Variants in MAGI2 observed in about 807,000 individuals in gnomAD.
The protein encoded by MAGI2 is membrane associated guanylate kinase, WW and PDZ domain containing 2, also known as membrane-associated guanylate kinase, WW and PDZ domain-containing protein 2.
Under a neutral mutation model 133.3 loss-of-function variants are expected in MAGI2, and 35 were observed. That is an observed-to-expected ratio of 0.26 (90% CI 0.20 to 0.35). MAGI2 has a LOEUF of 0.35. MAGI2 is among the 10% of genes least tolerant of loss of function. MAGI2 has a pLI of 1.00. For missense variants in MAGI2, 1,636 were observed against 1,863.4 expected (o/e 0.88, Z 2.25); for synonymous variants, 729 against 710.6 (o/e 1.03, Z -0.41).
intron 21 of MAGI2, among the ~76,000 whole-genome samples, chr7:78,032,918 G>A (rs1008932319): frequency 6.6e-5 from 10 of 152,062 alleles, no homozygotes; most frequent in African/African-American, 2.2e-4. Flanking sequence ...GTAGAAGGAA[G>A]TGTGAGATCA....
chr7:78,151,439 G>A (rs1240637257), intron 16 of MAGI2, among the ~76,000 whole-genome samples: 1 of 152,194 alleles, frequency 6.6e-6, no homozygotes, highest in Non-Finnish European at 1.5e-5. Flanking sequence ...ACGGTTCCAA[G>A]GGTTGGTTCC....
chr7:79,310,291 G>A (rs535510647), intron 1 of MAGI2, among the ~76,000 whole-genome samples: 1 of 143,570 alleles, frequency 7.0e-6, no homozygotes, highest in Admixed American at 7.1e-5. Context: ...GTATTCTAAA[G>A]ATACAGCAAT....
At chr7:78,897,510 A>C (rs1395192485) in intron 2 of MAGI2, among the ~76,000 whole-genome samples, 1 of 152,232 alleles carries the variant, frequency 6.6e-6, no homozygotes, top group East Asian at 1.9e-4. Context: ...CATTATTAAA[A>C]ATTAAATCAT....
At position 78,754,174 on chromosome 7, in the gene MAGI2, C is replaced by T. The variant is rs147150179; in HGVS notation, c.419-126935G>A. Among the ~76,000 whole-genome samples, 19 of 151,842 alleles carry T rather than the reference C, an allele frequency of 1.3e-4. No individual in the cohort carries two copies. The East Asian group carries it at 2.3e-3, about 19-fold the overall frequency. On this transcript the variant is annotated intron_variant, in intron 2 of 21. Coordinates refer to ENST00000354212, the MANE Select transcript of MAGI2 (RefSeq NM_012301.4). ...GGTGGATCGCTTGAGCCCAGGAGTT[C>T]GGGACCAGCCTGGGCAACATAGCAA...
At chr7:78,308,003 A>C (rs1400120782) in intron 9 of MAGI2, among the ~76,000 whole-genome samples, 5 of 152,176 alleles carry the variant, frequency 3.3e-5, no homozygotes, top group Non-Finnish European at 7.4e-5. Context: ...AAGAGAATTA[A>C]AGACTTAAAT....
At chr7:78,121,364 A>T (rs1289079155) in intron 20 of MAGI2, among the ~76,000 whole-genome samples, 1 of 152,188 alleles carries the variant, frequency 6.6e-6, no homozygotes, top group African/African-American at 2.4e-5. Flanking sequence ...ATTGATGAAA[A>T]AGATCACCAA....
intron 2 of MAGI2, among the ~76,000 whole-genome samples, chr7:78,689,074 A>C (rs1332203187): frequency 6.6e-6 from 1 of 152,220 alleles, no homozygotes; most frequent in Non-Finnish European, 1.5e-5. Flanking sequence ...GAATTAAGCC[A>C]ATATTCTTTC....
chr7:78,204,259 T>G (rs1018476030), intron 10 of MAGI2, among the ~76,000 whole-genome samples: 1 of 152,210 alleles, frequency 6.6e-6, no homozygotes, highest in African/African-American at 2.4e-5. Context: ...GCTGCTTGCC[T>G]CACAGATCAT....
chr7:78,538,835 TC>T (rs1021853483), intron 3 of MAGI2, among the ~76,000 whole-genome samples: 24 of 152,272 alleles, frequency 1.6e-4, no homozygotes, highest in African/African-American at 5.3e-4. Flanking sequence ...GTCCTTTATT[TC>T]TTTCTCTTGT....
intron 1 of MAGI2, among the ~76,000 whole-genome samples, chr7:79,373,991 A>C (rs1240696513): frequency 5.3e-5 from 8 of 152,060 alleles, no homozygotes; most frequent in Admixed American, 5.3e-4. Context: ...TAAAAGAATA[A>C]ATTTAAGCTG....
chr7:79,223,256 A>T (rs1025622684), intron 1 of MAGI2, among the ~76,000 whole-genome samples: 2 of 152,068 alleles, frequency 1.3e-5, no homozygotes, highest in Admixed American at 1.3e-4. Flanking sequence ...TGTTGTTTTT[A>T]AATGGATTTT....
chr7:78,183,765 G>T (rs1020242793), intron 13 of MAGI2, among the ~76,000 whole-genome samples: 1 of 152,068 alleles, frequency 6.6e-6, no homozygotes, highest in African/African-American at 2.4e-5. Context: ...TGGAGGTCTT[G>T]CCATCTTGTC....
At position 78,795,332 on chromosome 7, in the gene MAGI2, A is replaced by AG. The variant is rs201381074; in HGVS notation, c.419-168094_419-168093insC. 7.8e-3 allele frequency among the ~76,000 whole-genome samples: 1,182 copies of AG among 152,072 alleles called. 11 individuals carry two copies. Among genetic ancestry groups the AG allele is most frequent in the African/African-American group, 0.026 (1,069 of 41,522 alleles). On this transcript the variant is annotated intron_variant, in intron 2 of 21. Coordinates refer to ENST00000354212, the MANE Select transcript of MAGI2 (RefSeq NM_012301.4). ...ATTTTTTATTTAGAAAAAATTAAAA[A>AG]CATCACCCAAAGATAAGTTTAGTAA...
intron 11 of MAGI2, 123 bp from the exon 12 acceptor site, chr7:78,195,186 G>T: frequency 1.5e-6 from 1 of 681,778 alleles, no homozygotes; most frequent in Non-Finnish European, 2.3e-6. Flanking sequence ...GTAAAACTTT[G>T]GCATAAATTC....
intron 6 of MAGI2, among the ~76,000 whole-genome samples, chr7:78,385,498 T>C (rs574502165): frequency 6.6e-6 from 1 of 152,212 alleles, no homozygotes; most frequent in Non-Finnish European, 1.5e-5. Context: ...CAATGAAATT[T>C]CTGACTCCCT....
intron 9 of MAGI2, among the ~76,000 whole-genome samples, chr7:78,289,888 G>A (rs1796524869): frequency 6.6e-6 from 1 of 152,108 alleles, no homozygotes; most frequent in African/African-American, 2.4e-5. Context: ...ATCCTTTACA[G>A]ACAAGCAAAT....
chr7:78,183,166 C>T (rs12705320), intron 13 of MAGI2, among the ~76,000 whole-genome samples: 43,044 of 151,752 alleles, frequency 0.28, 6,271 homozygotes, highest in South Asian at 0.37. Context: ...TTATGATAAA[C>T]GTATCTGAGT....
intron 1 of MAGI2, among the ~76,000 whole-genome samples, chr7:79,148,888 TTA>T (rs1006208394): frequency 1.4e-5 from 2 of 147,124 alleles, no homozygotes; most frequent in African/African-American, 4.9e-5. Context: ...TATATATGTT[TTA>T]TATATATATG....
Position 78,727,287 on chromosome 7 carries a change from C to T in MAGI2, c.419-100048G>A, listed in dbSNP as rs553209564. Among the ~76,000 whole-genome samples the T allele has an allele frequency of 2.6e-5, 4 of 152,308 alleles. No homozygotes were observed. The South Asian group carries it at 6.2e-4, about 24-fold the overall frequency. ...GAGAGAGAGAGTCATGCGCTATTAG[C>T]TCTGTGATGGGGCTGAAACTGTGTC... On this transcript the variant is annotated intron_variant, in intron 2 of 21. Transcript: ENST00000354212.
Sources: allele counts gnomAD v4.1 joint callset (sites outside exome capture counted in the v4.1 genomes callset), GRCh38; gene constraint gnomAD v4.1.1; transcripts MANE v1.5; gene names NCBI Gene and HGNC (gene_info 2026-07-23, HGNC 2026-07-21).